Variants in WASHC4 observed in about 807,000 individuals in gnomAD.
The protein encoded by WASHC4 is WASH complex subunit 7.
Under a neutral mutation model 166.6 loss-of-function variants are expected in WASHC4, and 86 were observed. The ratio of observed to expected loss-of-function variants is 0.52; its 90% CI spans 0.43 to 0.62. The LOEUF is 0.62. Ranked by LOEUF, WASHC4 falls within the 20% of genes least tolerant of loss-of-function variation. The pLI, the probability that WASHC4 is intolerant of heterozygous loss-of-function variation, is 0.00. For missense variants in WASHC4, 1,262 were observed against 1,382.4 expected, an observed-to-expected ratio of 0.91 and a Z score of 1.38; for synonymous variants, 446 against 451.6, an observed-to-expected ratio of 0.99 and a Z score of 0.16.
rs569133737 is a variant in WASHC4, at chr12:105,140,411, T to C, written c.1560+10T>C. On this transcript the variant is annotated intron_variant, in intron 16 of 32. Transcript: ENST00000332180. ...TATTTCTGTGGCCAAGGTATGCAGCTTATTATGTATTTAGCATAAGTATGT... is the reference window on the plus strand; with the variant it reads ...TATTTCTGTGGCCAAGGTATGCAGCCTATTATGTATTTAGCATAAGTATGT... 6.5e-7 allele frequency: 1 copy of C among 1,536,610 alleles called. No homozygotes were observed. The highest frequency in any genetic ancestry group is 1.1e-5 in the South Asian group (1 of 89,652).
rs1884933818 is a variant in WASHC4 at position 105,168,717 on chromosome 12, AAAT to A, written c.*1790_*1792del. On this transcript the variant is annotated 3_prime_UTR_variant, in exon 33 of 33. Coordinates refer to ENST00000332180, the MANE Select transcript of WASHC4 (RefSeq NM_015275.3). The stretch of plus-strand genomic sequence containing the variant: ...AGACAATTATTTTTCCTTTAGGTCA[AAAT>A]AATGTCACTGCTATCTGGATAAATT... The A allele has an allele frequency of 6.6e-6, 1 of 152,072 alleles. No individual in the cohort carries two copies. Among genetic ancestry groups the A allele is most frequent in the Non-Finnish European group, 1.5e-5 (1 of 67,952 alleles). The allele number at this position is 152,072 out of a possible 1,614,324, so 9.4% of individuals were successfully genotyped here. A position where few individuals can be genotyped will look rare whatever the true frequency, so the allele number is the denominator to read the frequency against.
In WASHC4 at chr12:105,144,182, C is replaced by T. The variant is rs148357992; in HGVS notation, c.2011-105C>T. 285 of 921,244 alleles carry T rather than the reference C, an allele frequency of 3.1e-4. 1 individual carries two copies. In the African/African-American group the frequency reaches 4.2e-3, roughly 13 times the overall value. The allele number at this position is 921,244 out of a possible 1,614,324, so 57.1% of individuals were successfully genotyped here. ...AGACTTAGAATTTATGTAACTGCTT[C>T]TGACCAAAAAACTATTGGTTTAAAA... On this transcript the variant is annotated intron_variant, in intron 20 of 32. Coordinates refer to ENST00000332180, the MANE Select transcript of WASHC4 (RefSeq NM_015275.3).
chr12:105,115,931 A>T (rs1250449375), intron 6 of WASHC4, among the ~76,000 whole-genome samples: 1 of 152,138 alleles, frequency 6.6e-6, no homozygotes, highest in Non-Finnish European at 1.5e-5. Flanking sequence ...CTATCAAAAT[A>T]AGTTTCTTTG....
chr12:105,120,895 C>T (rs1408125269), intron 8 of WASHC4, among the ~76,000 whole-genome samples: 1 of 152,126 alleles, frequency 6.6e-6, no homozygotes, highest in Admixed American at 6.5e-5. Context: ...AAATTTTGTT[C>T]ATCTTAAAAA....
intron 13 of WASHC4, among the ~76,000 whole-genome samples, chr12:105,131,918 A>G (rs542564185): frequency 1.6e-4 from 24 of 152,174 alleles, no homozygotes; most frequent in Non-Finnish European, 3.4e-4. Context: ...TTTTGACAGG[A>G]TCCTTCTTTA....
intron 24 of WASHC4, chr12:105,147,681 G>A: frequency 1.5e-6 from 1 of 656,446 alleles, no homozygotes; most frequent in Non-Finnish European, 1.9e-6. Context: ...TGAAGCAGGA[G>A]GATCACCTGA....
At chr12:105,133,337 T>C (rs565153512) in intron 13 of WASHC4, among the ~76,000 whole-genome samples, 3 of 152,236 alleles carry the variant, frequency 2.0e-5, no homozygotes, top group Non-Finnish European at 4.4e-5. Context: ...CTTCAAACTT[T>C]GGCTCAAAAT....
chr12:105,144,920 A>G (rs748805130), intron 22 of WASHC4, 48 bp downstream of exon 22: 47 of 1,565,406 alleles, frequency 3.0e-5, no homozygotes, highest in Non-Finnish European at 3.9e-5. Flanking sequence ...GTTGGCTGTA[A>G]CAGTACTTTT....
In WASHC4 at chr12:105,111,175, T is replaced by C. The variant is rs35294333; in HGVS notation, c.112T>C (p.Tyr38His). Residue 38 changes from tyrosine (Y) to histidine (H), a missense_variant, in exon 2 of 33, where the codon TAT (tyrosine) becomes CAT (histidine). Physicochemically the swap from Tyr to His is moderately conservative, Grantham distance 83. Transcript: ENST00000332180. ...LKNYGKFLEEYTSQLRRIEDA... is the reference protein window; with the variant it reads ...LKNYGKFLEEHTSQLRRIEDA... ...GAATTATGGGAAATTTCTTGAGGAGTATACCTCTCAACTGAGAAGAATTGA... is the reference window on the plus strand; with the variant it reads ...GAATTATGGGAAATTTCTTGAGGAGCATACCTCTCAACTGAGAAGAATTGA... The C allele has an allele frequency of 0.02, 31,730 of 1,605,798 alleles. 386 individuals carry two copies. Among genetic ancestry groups the C allele is most frequent in the Non-Finnish European group, 0.023 (26,740 of 1,172,892 alleles).
chr12:105,128,636 T>G (rs1026734523), intron 13 of WASHC4, among the ~76,000 whole-genome samples: 10 of 152,162 alleles, frequency 6.6e-5, no homozygotes, highest in African/African-American at 1.7e-4. Flanking sequence ...GATTTCAGAT[T>G]AGGGATGCTG....
Position 105,166,853 on chromosome 12 carries a change from C to T in WASHC4, c.3455-11C>T, listed in dbSNP as rs762890418. On this transcript the variant is annotated splice_polypyrimidine_tract_variant and intron_variant, in intron 32 of 32. Coordinates refer to ENST00000332180, the MANE Select transcript of WASHC4 (RefSeq NM_015275.3). ...ATAAATATCCATTATTATTTTCACT[C>T]ATGCTTTCAGAAGAAACTAAAACAA... 7 of 1,569,954 alleles carry T rather than the reference C, an allele frequency of 4.5e-6. No individual in the cohort carries two copies. The highest frequency in any genetic ancestry group is 2.7e-5 in the African/African-American group (2 of 74,142).
At chr12:105,118,298 G>A in intron 6 of WASHC4, 148 bp from the exon 7 acceptor site, 1 of 700,994 alleles carries the variant, frequency 1.4e-6, no homozygotes, top group Non-Finnish European at 2.6e-6. Flanking sequence ...TTGCTTGAGG[G>A]ATGCTTGAAC....
rs534000566 is a variant in WASHC4, at chr12:105,125,927, A to G, written c.787-77A>G. 85 of 1,357,892 alleles carry G rather than the reference A, an allele frequency of 6.3e-5. 2 individuals are homozygous for G. In the South Asian group the frequency reaches 9.6e-4, roughly 15 times the overall value. The allele number at this position is 1,357,892 out of a possible 1,614,324, so 84.1% of individuals were successfully genotyped here. Reference sequence around the variant, plus strand: ...AATATAGAAATTTATCATACACTGTATTTAGTGTATGATATTTAAATGTTT... The same window carrying G: ...AATATAGAAATTTATCATACACTGTGTTTAGTGTATGATATTTAAATGTTT... On this transcript the variant is annotated intron_variant, in intron 10 of 32. Transcript: ENST00000332180.
chr12:105,143,611 A>G (rs1267351911), intron 20 of WASHC4, among the ~76,000 whole-genome samples: 1 of 152,052 alleles, frequency 6.6e-6, no homozygotes, highest in Non-Finnish European at 1.5e-5. Context: ...CTCCTGAGAG[A>G]AGGAAATTAT....
chr12:105,148,623 AAC>A, intron 24 of WASHC4: 2 of 985,342 alleles, frequency 2.0e-6, no homozygotes, highest in Non-Finnish European at 2.4e-6. Context: ...AATGCAAAGA[AAC>A]AGAAAAAACA....
At chr12:105,114,940 A>C (rs1193598327) in intron 4 of WASHC4, among the ~76,000 whole-genome samples, 1 of 151,976 alleles carries the variant, frequency 6.6e-6, no homozygotes, top group Non-Finnish European at 1.5e-5. Flanking sequence ...AGGATGTGGG[A>C]CAGTGAGGGT....
At chr12:105,136,980 T>G (rs1002102747) in intron 14 of WASHC4, among the ~76,000 whole-genome samples, 1 of 152,118 alleles carries the variant, frequency 6.6e-6, no homozygotes, top group African/African-American at 2.4e-5. Flanking sequence ...GAGCAAAAGT[T>G]TGAGGAACAT....
rs116604064 is a variant in WASHC4 at position 105,118,636 on chromosome 12, C to T, written c.518+108C>T. 525 of 748,758 alleles carry T rather than the reference C, an allele frequency of 7.0e-4. 1 individual carries two copies. The African/African-American group carries it at 8.1e-3, about 12-fold the overall frequency. 46.4% of individuals were successfully genotyped at this position (748,758 alleles called of 1,614,324 possible). A position where few individuals can be genotyped will look rare whatever the true frequency, so the allele number is the denominator to read the frequency against. ...TTTCTTTCATTCAGCATTCTTTGAA[C>T]ACTTATGATATTTCAAACACTACTT... On this transcript the variant is annotated intron_variant, in intron 7 of 32. Transcript: ENST00000332180.
intron 29 of WASHC4, among the ~76,000 whole-genome samples, chr12:105,162,510 GGGA>G (rs917638828): frequency 1.3e-5 from 2 of 152,118 alleles, no homozygotes; most frequent in Non-Finnish European, 2.9e-5. Context: ...TAGTGATTGA[GGGA>G]GTGCCCATAT....
Sources: allele counts gnomAD v4.1 joint callset (sites outside exome capture counted in the v4.1 genomes callset), GRCh38; gene constraint gnomAD v4.1.1; transcripts MANE v1.5; gene names NCBI Gene and HGNC (gene_info 2026-07-23, HGNC 2026-07-21).